The following PLCL1 variants were observed in gnomAD, a reference collection of about 807,000 sequenced individuals.
PLCL1 encodes phospholipase C like 1 (inactive).
Under a neutral mutation model 84.4 loss-of-function variants are expected in PLCL1, and 41 were observed. The ratio of observed to expected loss-of-function variants is 0.49; its 90% CI spans 0.38 to 0.63. The LOEUF is 0.63. Among genes scored for constraint, PLCL1 ranks in the 30% least tolerant of loss-of-function variants. PLCL1 has a pLI of 0.00. For synonymous variants in PLCL1, 490 were observed against 488.3 expected, an observed-to-expected ratio of 1.00 and a Z score of -0.05; for missense variants, 1,206 against 1,367.8, an observed-to-expected ratio of 0.88 and a Z score of 1.87.
intron 1 of PLCL1, among the ~76,000 whole-genome samples, chr2:197,847,176 C>A (rs6760338): frequency 0.04 from 6,053 of 152,226 alleles, 171 homozygotes; most frequent in Middle Eastern, 0.065. Context: ...CCAGCATAAA[C>A]ATGTTCCCAT....
intron 1 of PLCL1, among the ~76,000 whole-genome samples, chr2:197,892,071 C>T (rs1218372504): frequency 5.3e-5 from 8 of 152,172 alleles, no homozygotes; most frequent in South Asian, 2.1e-4. Context: ...GTTCTACTTC[C>T]GTTGACCCCT....
intron 1 of PLCL1, among the ~76,000 whole-genome samples, chr2:198,069,847 G>A (rs906022767): frequency 6.6e-5 from 10 of 152,118 alleles, no homozygotes; most frequent in African/African-American, 1.7e-4. Context: ...ATTTTAAGTG[G>A]CAGAGATGGG....
intron 1 of PLCL1, among the ~76,000 whole-genome samples, chr2:198,008,393 C>G (rs927221473): frequency 2.6e-5 from 4 of 152,064 alleles, no homozygotes; most frequent in African/African-American, 9.7e-5. Context: ...CTGGAAATTA[C>G]CATTCTACTT....
chr2:198,031,436 A>T (rs943616832), intron 1 of PLCL1, among the ~76,000 whole-genome samples: 24 of 151,852 alleles, frequency 1.6e-4, no homozygotes, highest in African/African-American at 5.8e-4. Flanking sequence ...AATATTAGCA[A>T]AATTAAAGGA....
chr2:198,135,903 C>A (rs994491803), intron 5 of PLCL1, among the ~76,000 whole-genome samples: 2 of 152,174 alleles, frequency 1.3e-5, no homozygotes, highest in Non-Finnish European at 2.9e-5. Context: ...GTGTTTGACA[C>A]TGAACAATGT....
chr2:197,989,388 A>T (rs1690290256), intron 1 of PLCL1, among the ~76,000 whole-genome samples: 1 of 152,122 alleles, frequency 6.6e-6, no homozygotes, highest in Admixed American at 6.5e-5. Context: ...TCCTAGCTTG[A>T]CTTTCTGAGG....
intron 1 of PLCL1, among the ~76,000 whole-genome samples, chr2:197,886,411 C>CAAAAAAAAAAAAAAAAAAAAAAAA (rs61183744): frequency 7.8e-5 from 6 of 77,090 alleles, no homozygotes; most frequent in Non-Finnish European, 1.3e-4. Context: ...GACTCTGTCT[C>CAAAAAAAAAAAAAAAAAAAAAAAA]AAAAAAAAAA....
At chr2:197,930,088 A>G (rs1023504160) in intron 1 of PLCL1, among the ~76,000 whole-genome samples, 1 of 152,170 alleles carries the variant, frequency 6.6e-6, no homozygotes, top group Non-Finnish European at 1.5e-5. Flanking sequence ...TCTGAAGTAA[A>G]GAAAAATCCA....
At chr2:198,009,928 C>A (rs1460569808) in intron 1 of PLCL1, among the ~76,000 whole-genome samples, 2 of 151,822 alleles carry the variant, frequency 1.3e-5, no homozygotes, top group Non-Finnish European at 2.9e-5. Context: ...AGTATTTAAT[C>A]CTTCTTGAGG....
Position 197,923,710 on chromosome 2 carries a change from A to G in PLCL1, c.240+118371A>G, listed in dbSNP as rs531780236. Among the ~76,000 whole-genome samples the G allele has an allele frequency of 8.4e-4, 127 of 150,676 alleles. 1 individual carries two copies. In the South Asian group the frequency reaches 0.025, roughly 29 times the overall value. On this transcript the variant is annotated intron_variant, in intron 1 of 5. Transcript: ENST00000428675. ...GGCAGAGAGGCTCCTCACATCCCAG[A>G]CGATGGGCGGCCAGGCAGAGATGCT...
At chr2:198,146,711 A>AGG in intron 5 of PLCL1, 69 bp from the exon 6 acceptor site, 1 of 1,313,760 alleles carries the variant, frequency 7.6e-7, no homozygotes, top group Non-Finnish European at 1.1e-6. Context: ...AAGAACATAG[A>AGG]GTGATGTCAC....
chr2:198,030,570 A>G (rs1691386394), intron 1 of PLCL1, among the ~76,000 whole-genome samples: 1 of 152,168 alleles, frequency 6.6e-6, no homozygotes, highest in Admixed American at 6.6e-5. Context: ...TGCTAGCAAT[A>G]GTATGATGAT....
At chr2:197,929,234 T>C (rs1319821264) in intron 1 of PLCL1, among the ~76,000 whole-genome samples, 2 of 152,150 alleles carry the variant, frequency 1.3e-5, no homozygotes, top group African/African-American at 4.8e-5. Flanking sequence ...CCTTCTGGGG[T>C]CCTGGAACCA....
At chr2:198,095,065 T>C (rs1474405832) in intron 3 of PLCL1, among the ~76,000 whole-genome samples, 1 of 152,134 alleles carries the variant, frequency 6.6e-6, no homozygotes, top group Admixed American at 6.5e-5. Context: ...GCAGGCTAAA[T>C]ACACAAAGAG....
At chr2:197,898,280 C>A (rs1688194884) in intron 1 of PLCL1, among the ~76,000 whole-genome samples, 1 of 152,108 alleles carries the variant, frequency 6.6e-6, no homozygotes, top group Non-Finnish European at 1.5e-5. Flanking sequence ...GGTTACTGGG[C>A]TCAAGGGTCT....
intron 1 of PLCL1, among the ~76,000 whole-genome samples, chr2:197,929,991 T>C (rs529372764): frequency 6.6e-6 from 1 of 152,206 alleles, no homozygotes; most frequent in Non-Finnish European, 1.5e-5. Context: ...GAGTATCAAA[T>C]AGTGAGAGGG....
At chr2:197,875,164 T>C (rs1293682150) in intron 1 of PLCL1, among the ~76,000 whole-genome samples, 2 of 151,476 alleles carry the variant, frequency 1.3e-5, no homozygotes, top group South Asian at 2.1e-4. Context: ...TGTGCACCTG[T>C]AGTCCCAGCT....
intron 1 of PLCL1, among the ~76,000 whole-genome samples, chr2:197,946,506 T>C (rs1413020655): frequency 8.4e-6 from 1 of 118,554 alleles, no homozygotes; most frequent in Non-Finnish European, 1.9e-5. Context: ...TTTAAAGAAA[T>C]TAAAAACAAT....
chr2:197,985,062 C>G (rs191560625), intron 1 of PLCL1, among the ~76,000 whole-genome samples: 70 of 152,082 alleles, frequency 4.6e-4, no homozygotes, highest in Admixed American at 1.0e-3. Flanking sequence ...CAGATTAGCA[C>G]AGCAATTTTT....
Sources: allele counts gnomAD v4.1 joint callset (sites outside exome capture counted in the v4.1 genomes callset), GRCh38; gene constraint gnomAD v4.1.1; transcripts MANE v1.5; gene names NCBI Gene and HGNC (gene_info 2026-07-23, HGNC 2026-07-21).